TRDMT1: variants seen among roughly 807,000 people sequenced by gnomAD.
TRDMT1 encodes the protein tRNA (cytosine(38)-C(5))-methyltransferase.
Under a neutral mutation model 51.2 loss-of-function variants are expected in TRDMT1, and 49 were observed. That is an observed-to-expected ratio of 0.96 (90% confidence interval 0.76 to 1.21). The LOEUF is 1.21. Among genes scored for constraint, TRDMT1 ranks in the 50% most tolerant of loss-of-function variants. TRDMT1 has a pLI of 0.00. For synonymous variants in TRDMT1, 187 were observed against 164.6 expected (o/e 1.14, Z -1.04); for missense variants, 534 against 462.3 (o/e 1.16, Z -1.42).
intron 8 of TRDMT1, 148 bp downstream of exon 8, chr10:17,157,293 A>G: frequency 1.4e-6 from 1 of 697,108 alleles, no homozygotes; most frequent in Middle Eastern, 3.1e-4. Flanking sequence ...TTCTACTGGA[A>G]CATGAAGTAG....
chr10:17,160,410 G>A (rs779254569), intron 5 of TRDMT1, 36 bp from the exon 6 acceptor site: 2 of 1,333,168 alleles, frequency 1.5e-6, no homozygotes, highest in Non-Finnish European at 1.0e-6. Context: ...ATTCTTACTT[G>A]GAAAGGCAGT....
chr10:17,154,850 T>C (rs1588716140), intron 8 of TRDMT1, 116 bp from the exon 9 acceptor site: 2 of 816,928 alleles, frequency 2.4e-6, no homozygotes, highest in East Asian at 6.1e-5. Context: ...CTGAAATATC[T>C]TGAATAATGT....
rs1424333933 is a variant in TRDMT1, at chr10:17,143,208, T to A, written c.*5832A>T. The A allele has an allele frequency of 4.1e-6, 4 of 985,474 alleles. No individual in the cohort carries two copies. The highest frequency in any genetic ancestry group is 4.8e-6 in the Non-Finnish European group (4 of 829,942). The allele number at this position is 985,474 out of a possible 1,614,324, so 61.0% of individuals were successfully genotyped here. A position where few individuals can be genotyped will look rare whatever the true frequency, so the allele number is the denominator to read the frequency against. The stretch of plus-strand genomic sequence containing the variant: ...CTTTCTATGTAGCTTCAATATTGAT[T>A]CCAGTATGGTTCCTACATTCACTCA... On this transcript the variant is annotated 3_prime_UTR_variant, in exon 11 of 11. Transcript: ENST00000377799.
chr10:17,157,632 A>T lies in TRDMT1; in HGVS notation c.696T>A (p.Leu232=), dbSNP rs750914488. ...CSGKDAILFK[L]ETAEEIHRKN... Reference sequence around the variant, plus strand: ...TCCTGTGAATTTCTTCTGCAGTTTCAAGCTTAAAAAGAATGGCATCTTTTC... The same window carrying T: ...TCCTGTGAATTTCTTCTGCAGTTTCTAGCTTAAAAAGAATGGCATCTTTTC... Residue 232 remains leucine, a synonymous_variant, in exon 8 of 11, where the codon CTT becomes CTA. Coordinates refer to ENST00000377799, the MANE Select transcript of TRDMT1 (RefSeq NM_004412.7). 2 of 1,613,714 alleles carry T rather than the reference A, an allele frequency of 1.2e-6. No homozygotes were observed. The highest frequency in any genetic ancestry group is 1.7e-6 in the Non-Finnish European group (2 of 1,179,810).
chr10:17,157,802 T>C lies in TRDMT1; in HGVS notation c.544-18A>G. ...ATCAGTACCTGGCATTACATAAAAA[T>C]ACACAAATTGTCAAAAGTTGCATTA... On this transcript the variant is annotated intron_variant, in intron 7 of 10. Transcript: ENST00000377799. The C allele has an allele frequency of 1.3e-6, 2 of 1,520,138 alleles. No individual in the cohort carries two copies. The highest frequency in any genetic ancestry group is 1.4e-5 in the African/African-American group (1 of 71,858). 94.2% of individuals were successfully genotyped at this position (1,520,138 alleles called of 1,614,324 possible). A position where few individuals can be genotyped will look rare whatever the true frequency, so the allele number is the denominator to read the frequency against.
At chr10:17,149,169 A>C in intron 10 of TRDMT1, 29 bp from the exon 11 acceptor site, 1 of 1,527,608 alleles carries the variant, frequency 6.5e-7, no homozygotes, top group Non-Finnish European at 9.0e-7. Context: ...ATTTAAAGAA[A>C]TCATTTGTAA....
intron 1 of TRDMT1, among the ~76,000 whole-genome samples, chr10:17,187,541 G>A (rs1444215188): frequency 6.6e-6 from 1 of 152,068 alleles, no homozygotes. Flanking sequence ...TAGATCCAAG[G>A]ATACAGTGGT....
chr10:17,178,063 T>C (rs1043440574), intron 1 of TRDMT1, among the ~76,000 whole-genome samples: 3 of 152,238 alleles, frequency 2.0e-5, no homozygotes, highest in Admixed American at 6.5e-5. Context: ...CAGTCCACTT[T>C]GAAATAAGGA....
intron 2 of TRDMT1, among the ~76,000 whole-genome samples, chr10:17,172,428 T>C (rs148775693): frequency 2.0e-5 from 3 of 152,132 alleles, no homozygotes; most frequent in Non-Finnish European, 2.9e-5. Context: ...GAGGCTGATA[T>C]GGGAGGACCA....
At chr10:17,192,646 T>A (rs1304911004) in intron 1 of TRDMT1, among the ~76,000 whole-genome samples, 1 of 152,112 alleles carries the variant, frequency 6.6e-6, no homozygotes, top group African/African-American at 2.4e-5. Context: ...TGCCCAAATA[T>A]AAATACATAT....
chr10:17,186,448 A>T (rs1843944401), intron 1 of TRDMT1, among the ~76,000 whole-genome samples: 1 of 152,136 alleles, frequency 6.6e-6, no homozygotes, highest in South Asian at 2.1e-4. Flanking sequence ...AGGCTTTGGG[A>T]TGCTACACTT....
Position 17,161,489 on chromosome 10 carries a change from G to T in TRDMT1, c.383C>A (p.Ser128Tyr). ...LENVKGFEVS[S>Y]TRDLLIQTIE... ...GACAAATACATTTTTTTACCTTGTA[G>T]AAGATACTTCAAAACCTTTAACATT... The change falls in exon 5 of 11, where the codon TCT (serine) becomes TAT (tyrosine). Residue 128 changes from serine (S) to tyrosine (Y), a missense_variant. Coordinates refer to ENST00000377799, the MANE Select transcript of TRDMT1 (RefSeq NM_004412.7). The T allele has an allele frequency of 1.5e-6, 2 of 1,371,874 alleles. No individual in the cohort carries two copies. Among genetic ancestry groups the T allele is most frequent in the South Asian group, 2.7e-5 (2 of 73,074 alleles). The allele number at this position is 1,371,874 out of a possible 1,614,324, so 85.0% of individuals were successfully genotyped here.
Position 17,146,824 on chromosome 10 carries a change from C to T in TRDMT1, c.*2216G>A. On this transcript the variant is annotated 3_prime_UTR_variant, in exon 11 of 11. Coordinates refer to ENST00000377799, the MANE Select transcript of TRDMT1 (RefSeq NM_004412.7). ...CAGACATTCCATAAAATAACATTTT[C>T]CAAATTAATTATGCATACATATACA... 2.0e-6 allele frequency: 2 copies of T among 985,334 alleles called. No individual in the cohort carries two copies. Among genetic ancestry groups the T allele is most frequent in the Non-Finnish European group, 2.4e-6 (2 of 829,854 alleles). The allele number at this position is 985,334 out of a possible 1,614,324, so 61.0% of individuals were successfully genotyped here. A position where few individuals can be genotyped will look rare whatever the true frequency, so the allele number is the denominator to read the frequency against.
In TRDMT1 at chr10:17,186,013, T is replaced by G. The variant is rs1437580107; in HGVS notation, c.65-11353A>C. ...CACATGTATACCTATGTAACAAACCTGCATGTTGTGCACATGTACCCTAGA... is the reference window on the plus strand; with the variant it reads ...CACATGTATACCTATGTAACAAACCGGCATGTTGTGCACATGTACCCTAGA... On this transcript the variant is annotated intron_variant, in intron 1 of 10. Transcript: ENST00000377799. 4.0e-5 allele frequency among the ~76,000 whole-genome samples: 6 copies of G among 151,494 alleles called. No homozygotes were observed. In the East Asian group the frequency reaches 1.2e-3, roughly 30 times the overall value.
intron 2 of TRDMT1, among the ~76,000 whole-genome samples, chr10:17,170,549 T>C (rs943396863): frequency 6.6e-6 from 1 of 152,336 alleles, no homozygotes; most frequent in South Asian, 2.1e-4. Flanking sequence ...TCAGAAAGTT[T>C]TCTGGCTATT....
intron 1 of TRDMT1, among the ~76,000 whole-genome samples, chr10:17,176,160 A>T (rs182562445): frequency 6.6e-6 from 1 of 152,254 alleles, no homozygotes; most frequent in African/African-American, 2.4e-5. Flanking sequence ...ATTCAAGTCA[A>T]GAATTAAGCT....
intron 2 of TRDMT1, chr10:17,169,600 G>T: frequency 9.1e-7 from 1 of 1,101,436 alleles, no homozygotes; most frequent in Non-Finnish European, 1.2e-6. Flanking sequence ...CTCACATTAA[G>T]CACTCTCAGT....
At position 17,139,210 on chromosome 10, in the gene TRDMT1, G is replaced by A. The variant is rs946458066; in HGVS notation, c.*9830C>T. ...TCCTGTTCCAAATCAACCTAAAAAGGACAAAATGAGTTTTCTACTTGGTGA... is the reference window on the plus strand; with the variant it reads ...TCCTGTTCCAAATCAACCTAAAAAGAACAAAATGAGTTTTCTACTTGGTGA... On this transcript the variant is annotated 3_prime_UTR_variant, in exon 11 of 11. Coordinates refer to ENST00000377799, the MANE Select transcript of TRDMT1 (RefSeq NM_004412.7). 27 of 985,214 alleles carry A rather than the reference G, an allele frequency of 2.7e-5. No individual in the cohort carries two copies. The highest frequency in any genetic ancestry group is 3.3e-5 in the Non-Finnish European group (27 of 829,926). The allele number at this position is 985,214 out of a possible 1,614,324, so 61.0% of individuals were successfully genotyped here.
At chr10:17,190,362 G>T (rs1360007606) in intron 1 of TRDMT1, among the ~76,000 whole-genome samples, 4 of 146,846 alleles carry the variant, frequency 2.7e-5, no homozygotes, top group Non-Finnish European at 6.0e-5. Flanking sequence ...GTGTAGATTT[G>T]CTCTCATACA....
Sources: gnomAD v4.1 joint callset for allele counts (sites outside exome capture counted in the v4.1 genomes callset) on GRCh38, gnomAD v4.1.1 for gene constraint, MANE v1.5 for transcripts, NCBI Gene and HGNC (gene_info 2026-07-23, HGNC 2026-07-21) for gene names.